BMPER: variants seen among roughly 807,000 people sequenced by gnomAD.
BMPER encodes BMP-binding endothelial regulator protein.
In BMPER, 45 loss-of-function variants were observed where a neutral mutation model predicts 87.3. The observed-to-expected ratio is 0.52, with a 90% CI of 0.41 to 0.66. BMPER has a LOEUF of 0.66. Among genes scored for constraint, BMPER ranks in the 30% least tolerant of loss-of-function variants. BMPER has a pLI of 0.00. For synonymous variants in BMPER, 326 were observed against 316.2 expected (o/e 1.03, Z -0.33); for missense variants, 784 against 867.5 (o/e 0.90, Z 1.21).
Position 33,939,621 on chromosome 7 carries a change from G to A in BMPER, c.319+2233G>A, listed in dbSNP as rs193191441. On this transcript the variant is annotated intron_variant, in intron 3 of 14. Coordinates refer to ENST00000649409, the MANE Select transcript of BMPER (RefSeq NM_001365308.1). ...TAATTGAATCATGAGGGTGGTTTCC[G>A]CTATGCTGTTCTCGTGCTGTTCACA... Among the ~76,000 whole-genome samples the A allele has an allele frequency of 2.0e-4, 31 of 152,230 alleles. 1 individual carries two copies. Among genetic ancestry groups the A allele is most frequent in the South Asian group, 1.0e-3 (5 of 4,808 alleles).
At chr7:34,089,769 C>T (rs1213448245) in intron 13 of BMPER, among the ~76,000 whole-genome samples, 3 of 152,134 alleles carry the variant, frequency 2.0e-5, no homozygotes, top group East Asian at 1.9e-4. Context: ...CAGGTGTGAG[C>T]CACTGTGCCC....
In BMPER at chr7:34,129,521, A is replaced by T. The variant is rs144387784; in HGVS notation, c.1746-13709A>T. Among the ~76,000 whole-genome samples the T allele has an allele frequency of 2.9e-4, 43 of 150,024 alleles. No homozygotes were observed. The East Asian group carries it at 7.5e-3, about 26-fold the overall frequency. The stretch of plus-strand genomic sequence containing the variant: ...CCAGTGACCACAGCTTAGGCGACAG[A>T]GCGAGACGCTGTCTCAAAAAAAAAG... On this transcript the variant is annotated intron_variant, in intron 13 of 14. Coordinates refer to ENST00000649409, the MANE Select transcript of BMPER (RefSeq NM_001365308.1).
chr7:34,143,436 A>T, intron 14 of BMPER, 76 bp downstream of exon 14: 1 of 1,590,480 alleles, frequency 6.3e-7, no homozygotes, highest in Non-Finnish European at 8.6e-7. Context: ...AGACTTGTGG[A>T]TGCTGACATG....
chr7:33,994,153 T>G (rs574698057), intron 6 of BMPER, among the ~76,000 whole-genome samples: 1 of 152,324 alleles, frequency 6.6e-6, no homozygotes, highest in East Asian at 1.9e-4. Flanking sequence ...TCCACCCAGT[T>G]CGAGCTTCCA....
rs776755542 is a variant in BMPER, at chr7:33,905,740, T to C, written c.127T>C (p.Leu43=). The C allele has an allele frequency of 6.2e-7, 1 of 1,609,592 alleles. No homozygotes were observed. The highest frequency in any genetic ancestry group is 1.1e-5 in the South Asian group (1 of 91,006). ...GVPMSLASSF[L]TGSVAKCENE... ...CCCCATGTCTCTGGCTTCCTCCTTC[T>C]TGACAGGTAGGGGAGGGGGCGGGAG... The change falls in exon 1 of 15, where the codon TTG becomes CTG. Residue 43 remains leucine, a synonymous_variant. Coordinates refer to ENST00000649409, the MANE Select transcript of BMPER (RefSeq NM_001365308.1).
At chr7:33,916,304 A>C (rs552809877) in intron 2 of BMPER, among the ~76,000 whole-genome samples, 20 of 152,340 alleles carry the variant, frequency 1.3e-4, no homozygotes, top group African/African-American at 4.1e-4. Context: ...ACAAACAACG[A>C]ATCAGAGTGT....
chr7:34,130,940 C>T (rs1267154542), intron 13 of BMPER, among the ~76,000 whole-genome samples: 1 of 152,184 alleles, frequency 6.6e-6, no homozygotes, highest in Non-Finnish European at 1.5e-5. Flanking sequence ...GTCTTTGCCA[C>T]TTATTAGTAA....
rs10260712 is a variant in BMPER, at chr7:34,094,235, C to T, written c.1745+8143C>T. Among the ~76,000 whole-genome samples the T allele has an allele frequency of 4.6e-3, 697 of 152,294 alleles. 3 individuals carry two copies. Among genetic ancestry groups the T allele is most frequent in the African/African-American group, 0.016 (659 of 41,550 alleles). Reference sequence around the variant, plus strand: ...ATGCTAGGTTCTGTCATAGGGATGGCGATTTGGAACTTAGCAAGAGAGACA... The same window carrying T: ...ATGCTAGGTTCTGTCATAGGGATGGTGATTTGGAACTTAGCAAGAGAGACA... On this transcript the variant is annotated intron_variant, in intron 13 of 14. Coordinates refer to ENST00000649409, the MANE Select transcript of BMPER (RefSeq NM_001365308.1).
At chr7:33,965,678 C>G (rs954448059) in intron 3 of BMPER, among the ~76,000 whole-genome samples, 1 of 152,106 alleles carries the variant, frequency 6.6e-6, no homozygotes, top group Non-Finnish European at 1.5e-5. Flanking sequence ...GTGTGTCTTC[C>G]TAGATCGTGT....
At position 33,935,483 on chromosome 7, in the gene BMPER, T is replaced by A. The variant is rs1210641407; in HGVS notation, c.220-1806T>A. ...AAGAACTCCACAGGGGGTTGTAATG[T>A]GCAGCTAAGGATGAGGGCCCCTGTC... On this transcript the variant is annotated intron_variant, in intron 2 of 14. Coordinates refer to ENST00000649409, the MANE Select transcript of BMPER (RefSeq NM_001365308.1). Among the ~76,000 whole-genome samples, 4 of 152,048 alleles carry A rather than the reference T, an allele frequency of 2.6e-5. No individual in the cohort carries two copies. The South Asian group carries it at 8.3e-4, about 32-fold the overall frequency.
At chr7:34,116,284 C>T (rs913356846) in intron 13 of BMPER, among the ~76,000 whole-genome samples, 68 of 152,184 alleles carry the variant, frequency 4.5e-4, no homozygotes, top group African/African-American at 1.4e-3. Flanking sequence ...GGCTAGTTGG[C>T]TGATTGACTA....
At chr7:33,960,970 G>A (rs1785255711) in intron 3 of BMPER, among the ~76,000 whole-genome samples, 1 of 152,170 alleles carries the variant, frequency 6.6e-6, no homozygotes, top group Non-Finnish European at 1.5e-5. Flanking sequence ...AGGCTTCCTA[G>A]AGACTATGAT....
chr7:34,119,014 T>TCTCTCACACACACACACACACACA (rs66493349), intron 13 of BMPER, among the ~76,000 whole-genome samples: 68 of 135,790 alleles, frequency 5.0e-4, no homozygotes, highest in East Asian at 4.2e-3. Flanking sequence ...TCTCTCTCTC[T>TCTCTCACACACACACACACACACA]CACACACACA....
chr7:34,107,443 ATT>A (rs1202740452), intron 13 of BMPER, among the ~76,000 whole-genome samples: 2 of 152,132 alleles, frequency 1.3e-5, no homozygotes, highest in African/African-American at 4.8e-5. Context: ...AGATTTTTTA[ATT>A]TCTGCCAAAC....
intron 6 of BMPER, among the ~76,000 whole-genome samples, chr7:33,982,432 T>A (rs1423212339): frequency 1.3e-5 from 2 of 152,060 alleles, no homozygotes; most frequent in Non-Finnish European, 2.9e-5. Flanking sequence ...GTCTGAAATA[T>A]TGGTGTAATT....
chr7:34,136,035 T>C (rs1790709981), intron 13 of BMPER, among the ~76,000 whole-genome samples: 21 of 152,244 alleles, frequency 1.4e-4, no homozygotes, highest in Admixed American at 1.4e-3. Context: ...CTTGCTGTTC[T>C]GTCCTGGCAA....
In BMPER at chr7:34,078,850, T is replaced by C. The variant is rs1788933557; in HGVS notation, c.1079-7T>C. 2 of 1,614,148 alleles carry C rather than the reference T, an allele frequency of 1.2e-6. No individual in the cohort carries two copies. The highest frequency in any genetic ancestry group is 2.7e-5 in the African/African-American group (2 of 75,052). ...TGACCCGGCTTTTGTCTCTCACTCCTCCGCAGAGCCCGGCGTTTGCACGGT... is the reference window on the plus strand; with the variant it reads ...TGACCCGGCTTTTGTCTCTCACTCCCCCGCAGAGCCCGGCGTTTGCACGGT... On this transcript the variant is annotated splice_region_variant and splice_polypyrimidine_tract_variant and intron_variant, in intron 11 of 14. Transcript: ENST00000649409.
chr7:33,905,767 G>GGGGGGGC, intron 1 of BMPER, 21 bp downstream of exon 1: 1 of 914,082 alleles, frequency 1.1e-6, no homozygotes, highest in Non-Finnish European at 1.7e-6. Flanking sequence ...GGGCGGGAGG[G>GGGGGGGC]ACCGGCCCTC....
In BMPER at chr7:34,039,260, G is replaced by A. The variant is rs538513098; in HGVS notation, c.577-7046G>A. Among the ~76,000 whole-genome samples the A allele has an allele frequency of 2.6e-5, 4 of 152,302 alleles. No individual in the cohort carries two copies. The East Asian group carries it at 7.7e-4, about 29-fold the overall frequency. ...GGAAGCTCATGCCAGTGAAGCATTT[G>A]GCAAAGCACAGTGCCTTGGACAGAG... On this transcript the variant is annotated intron_variant, in intron 6 of 14. Transcript: ENST00000649409.
Sources: allele counts gnomAD v4.1 joint callset (sites outside exome capture counted in the v4.1 genomes callset), GRCh38; gene constraint gnomAD v4.1.1; transcripts MANE v1.5; gene names NCBI Gene and HGNC (gene_info 2026-07-23, HGNC 2026-07-21).